Variants in FLI1 observed in about 807,000 individuals in gnomAD.
FLI1 encodes Fli-1 proto-oncogene, ETS transcription factor, also known as Friend leukemia integration 1 transcription factor.
In FLI1, 13 loss-of-function variants were observed where a neutral mutation model predicts 53.1. The observed-to-expected ratio is 0.24, with a 90% CI of 0.16 to 0.39. The LOEUF (loss-of-function observed/expected upper bound fraction) is 0.39, where lower values mean the gene tolerates loss of function less well. Ranked by LOEUF, FLI1 falls within the 10% of genes least tolerant of loss-of-function variation. FLI1 has a pLI of 1.00. For missense variants in FLI1, 424 were observed against 600.5 expected (o/e 0.71, Z 3.07); for synonymous variants, 244 against 236.7 (o/e 1.03, Z -0.28).
At chr11:128,766,294 C>T (rs677484) in intron 2 of FLI1, among the ~76,000 whole-genome samples, 2,107 of 152,322 alleles carry the variant, frequency 0.014, 31 homozygotes, top group Non-Finnish European at 0.021. Context: ...ACTGCCTCCC[C>T]TCCCCTCCCC....
chr11:128,693,902 G>A (rs577175570), upstream of FLI1: 22 of 264,774 alleles, frequency 8.3e-5, 1 homozygote, highest in Middle Eastern at 1.0e-3. Flanking sequence ...GGAAGACGAG[G>A]GAGAGCAGAG....
At chr11:128,702,477 A>G (rs1319484188) in intron 1 of FLI1, among the ~76,000 whole-genome samples, 3 of 152,162 alleles carry the variant, frequency 2.0e-5, no homozygotes, top group African/African-American at 7.2e-5. Context: ...GATATAATTT[A>G]CTGTAAGGAT....
chr11:128,711,667 C>A (rs142470049), intron 1 of FLI1, among the ~76,000 whole-genome samples: 2 of 152,084 alleles, frequency 1.3e-5, no homozygotes, highest in South Asian at 2.1e-4. Flanking sequence ...TACATAATGG[C>A]GATTTCAGTT....
chr11:128,782,100 G>A, intron 5 of FLI1, 77 bp downstream of exon 5: 1 of 1,288,656 alleles, frequency 7.8e-7, no homozygotes, highest in Non-Finnish European at 1.1e-6. Context: ...TAAGGTTGTT[G>A]CAGAAAACCA....
intron 1 of FLI1, among the ~76,000 whole-genome samples, chr11:128,757,594 G>A (rs1271758993): frequency 6.6e-6 from 1 of 152,178 alleles, no homozygotes; most frequent in Non-Finnish European, 1.5e-5. Flanking sequence ...CACAGCCATG[G>A]GCACCACCCT....
chr11:128,770,605 G>A (rs1591798218), intron 3 of FLI1, among the ~76,000 whole-genome samples: 1 of 152,192 alleles, frequency 6.6e-6, no homozygotes, highest in Non-Finnish European at 1.5e-5. Context: ...GCTGTAGAGG[G>A]AGAGTAATAA....
chr11:128,764,000 G>T (rs59535747), intron 2 of FLI1, among the ~76,000 whole-genome samples: 4 of 152,140 alleles, frequency 2.6e-5, no homozygotes, highest in Admixed American at 2.0e-4. Context: ...GTTACACGCC[G>T]CGGGTCCTAA....
intron 4 of FLI1, among the ~76,000 whole-genome samples, chr11:128,779,770 A>G (rs1941852289): frequency 6.6e-6 from 1 of 152,246 alleles, no homozygotes; most frequent in Non-Finnish European, 1.5e-5. Context: ...TCCTTTGCTT[A>G]ATAAACATAC....
Position 128,726,936 on chromosome 11 carries a change from G to C in FLI1, c.19-31179G>C, listed in dbSNP as rs570374946. Among the ~76,000 whole-genome samples, 6 of 152,146 alleles carry C rather than the reference G, an allele frequency of 3.9e-5. No homozygotes were observed. The South Asian group carries it at 1.0e-3, about 26-fold the overall frequency. On this transcript the variant is annotated intron_variant, in intron 1 of 8. Coordinates refer to ENST00000527786, the MANE Select transcript of FLI1 (RefSeq NM_002017.5). Reference sequence around the variant, plus strand: ...GGGGAGGGACAACGGCTGGGGCAGAGGGGGGAAGAGGAAGTGTGTTCTGCA... The same window carrying C: ...GGGGAGGGACAACGGCTGGGGCAGACGGGGGAAGAGGAAGTGTGTTCTGCA...
chr11:128,735,421 G>A (rs1481170657), intron 1 of FLI1, among the ~76,000 whole-genome samples: 1 of 152,150 alleles, frequency 6.6e-6, no homozygotes, highest in Non-Finnish European at 1.5e-5. Context: ...TTGTATTGAT[G>A]GATTTAAGGT....
intron 1 of FLI1, among the ~76,000 whole-genome samples, chr11:128,741,972 A>T (rs566314247): frequency 1.3e-5 from 2 of 152,246 alleles, no homozygotes; most frequent in Admixed American, 1.3e-4. Context: ...TGCTTTCCAG[A>T]ATGCTTTTGA....
chr11:128,739,701 T>C (rs1940055339), intron 1 of FLI1, among the ~76,000 whole-genome samples: 1 of 152,078 alleles, frequency 6.6e-6, no homozygotes. Context: ...ACACAGGTTA[T>C]TCTCAAAGTG....
intron 1 of FLI1, among the ~76,000 whole-genome samples, chr11:128,709,443 A>G (rs953111414): frequency 1.3e-5 from 2 of 152,174 alleles, no homozygotes; most frequent in Admixed American, 1.3e-4. Flanking sequence ...TGACTTATTC[A>G]TATCTCTTTG....
intron 1 of FLI1, among the ~76,000 whole-genome samples, chr11:128,730,967 T>G (rs765485993): frequency 6.6e-5 from 10 of 152,252 alleles, no homozygotes; most frequent in Non-Finnish European, 1.2e-4. Flanking sequence ...GTAACATCCT[T>G]CTTCCTTCTC....
intron 5 of FLI1, among the ~76,000 whole-genome samples, chr11:128,792,675 TC>T (rs3216602): frequency 0.39 from 59,420 of 151,782 alleles, 12,734 homozygotes; most frequent in African/African-American, 0.6. Context: ...AGATTTTTTT[TC>T]ATTGTTATGC....
At chr11:128,798,036 CTATGAGGG>C (rs1288580819) in intron 5 of FLI1, among the ~76,000 whole-genome samples, 1 of 152,106 alleles carries the variant, frequency 6.6e-6, no homozygotes, top group Non-Finnish European at 1.5e-5. Context: ...ACATTGCAAC[CTATGAGGG>C]TCGGAGCAGG....
intron 2 of FLI1, among the ~76,000 whole-genome samples, chr11:128,758,866 GC>G (rs1940999273): frequency 6.6e-6 from 1 of 152,198 alleles, no homozygotes; most frequent in African/African-American, 2.4e-5. Flanking sequence ...GTCAGTTCGG[GC>G]TTTGCTTGTA....
At chr11:128,738,886 T>C (rs1288410712) in intron 1 of FLI1, among the ~76,000 whole-genome samples, 1 of 152,236 alleles carries the variant, frequency 6.6e-6, no homozygotes, top group East Asian at 1.9e-4. Flanking sequence ...GTCTCTTGTA[T>C]GACAGTATCT....
chr11:128,781,149 C>T (rs902177504), intron 4 of FLI1, among the ~76,000 whole-genome samples: 5 of 152,156 alleles, frequency 3.3e-5, no homozygotes, highest in East Asian at 1.9e-4. Flanking sequence ...GAAAATTCAA[C>T]GCGTGACTCC....
Sources: allele counts gnomAD v4.1 joint callset (sites outside exome capture counted in the v4.1 genomes callset), GRCh38; gene constraint gnomAD v4.1.1; transcripts MANE v1.5; gene names NCBI Gene and HGNC (gene_info 2026-07-23, HGNC 2026-07-21).